CAPS2: variants seen among roughly 807,000 people sequenced by gnomAD.
CAPS2 encodes calcyphosine 2.
In CAPS2, 98 loss-of-function variants were observed where a neutral mutation model predicts 86.5. The ratio of observed to expected loss-of-function variants is 1.13; its 90% CI spans 0.96 to 1.34. The LOEUF is 1.34. Ranked by LOEUF, CAPS2 falls within the 40% of genes most tolerant of loss-of-function variation. The pLI, the probability that CAPS2 is intolerant of heterozygous loss-of-function variation, is 0.00. For missense variants in CAPS2, 729 were observed against 686.8 expected (o/e 1.06, Z -0.69); for synonymous variants, 210 against 225.1 (o/e 0.93, Z 0.60).
intron 1 of CAPS2, among the ~76,000 whole-genome samples, chr12:75,339,082 T>C (rs2041927592): frequency 6.6e-6 from 1 of 152,242 alleles, no homozygotes; most frequent in Non-Finnish European, 1.5e-5. Context: ...TGTATGCTTA[T>C]AATAGAATGA....
intron 1 of CAPS2, among the ~76,000 whole-genome samples, chr12:75,349,691 A>G (rs2042677951): frequency 6.6e-6 from 1 of 152,214 alleles, no homozygotes; most frequent in African/African-American, 2.4e-5. Flanking sequence ...GAAATATTAG[A>G]CATTCCAGAA....
At position 75,336,191 on chromosome 12, in the gene CAPS2, A is replaced by T. The variant is rs546842940; in HGVS notation, c.-394-12969T>A. Among the ~76,000 whole-genome samples the T allele has an allele frequency of 7.6e-4, 115 of 152,072 alleles. 1 individual carries two copies. The highest frequency in any genetic ancestry group is 2.6e-3 in the African/African-American group (108 of 41,574). On this transcript the variant is annotated intron_variant, in intron 1 of 5. Transcript: ENST00000551829. ...AAGAATGCATATTTTAATATCTAGG[A>T]TAACCATTAAAAATATACAAAGAAG... is the stretch of plus-strand genomic sequence containing the variant.
chr12:75,339,753 C>A (rs1290100502), intron 1 of CAPS2, among the ~76,000 whole-genome samples: 1 of 151,954 alleles, frequency 6.6e-6, no homozygotes, highest in African/African-American at 2.4e-5. Flanking sequence ...CCATCTTGAG[C>A]TAATTTTTGG....
At chr12:75,381,934 C>G (rs2045015768) in intron 1 of CAPS2, among the ~76,000 whole-genome samples, 1 of 152,092 alleles carries the variant, frequency 6.6e-6, no homozygotes, top group African/African-American at 2.4e-5. Flanking sequence ...TTGAATGGCT[C>G]CCTGTGCATC....
chr12:75,370,371 G>A (rs1481466279), intron 1 of CAPS2: 2 of 435,872 alleles, frequency 4.6e-6, no homozygotes, highest in African/African-American at 3.9e-5. Context: ...AAAGTCTTAA[G>A]ATTATTTTTT....
intron 7 of CAPS2, chr12:75,305,796 G>A: frequency 5.4e-6 from 4 of 734,820 alleles, no homozygotes; most frequent in Non-Finnish European, 1.0e-5. Flanking sequence ...GTCGTCGGCA[G>A]CTACAATTAG....
At chr12:75,285,226 T>C in intron 14 of CAPS2, 146 bp from the exon 15 acceptor site, 1 of 756,132 alleles carries the variant, frequency 1.3e-6, no homozygotes, top group Admixed American at 3.8e-5. Flanking sequence ...AAAAATCCAA[T>C]CAAAACCACT....
chr12:75,376,166 T>C (rs1472587684), intron 1 of CAPS2, among the ~76,000 whole-genome samples: 2 of 152,242 alleles, frequency 1.3e-5, no homozygotes, highest in Non-Finnish European at 2.9e-5. Context: ...GTTTGATCCA[T>C]GTTTCAGCTA....
intron 12 of CAPS2, 88 bp from the exon 13 acceptor site, chr12:75,291,908 C>A: frequency 2.1e-6 from 1 of 478,800 alleles, no homozygotes; most frequent in South Asian, 5.9e-5. Context: ...TTCCCTGCTC[C>A]AGACTCAAAG....
At chr12:75,322,889 T>C in intron 4 of CAPS2, 2 of 737,894 alleles carry the variant, frequency 2.7e-6, no homozygotes, top group Non-Finnish European at 4.5e-6. Context: ...ATACATAAAA[T>C]ATTTAAACTT....
chr12:75,386,242 C>T (rs35481216), intron 1 of CAPS2, among the ~76,000 whole-genome samples: 16 of 152,266 alleles, frequency 1.1e-4, no homozygotes, highest in African/African-American at 2.9e-4. Flanking sequence ...ACTAACACTA[C>T]GTGACATTAA....
chr12:75,306,074 C>T (rs1379170157), intron 7 of CAPS2: 15 of 1,466,788 alleles, frequency 1.0e-5, no homozygotes, highest in South Asian at 2.4e-5. Flanking sequence ...ACGTGCTGCG[C>T]GTCCTGGGGC....
intron 15 of CAPS2, among the ~76,000 whole-genome samples, chr12:75,284,239 C>A (rs74110646): frequency 0.011 from 1,678 of 152,126 alleles, 31 homozygotes; most frequent in African/African-American, 0.037. Flanking sequence ...ATGTCTCTTG[C>A]CCAGTAAAAG....
chr12:75,278,223 C>T (rs980353533), exon 17 of CAPS2: 2 of 982,266 alleles, frequency 2.0e-6, no homozygotes, highest in Middle Eastern at 5.2e-4. Context: ...CTACATTGTG[C>T]TCTATTTAAC....
At chr12:75,318,738 G>A (rs990511773) in intron 5 of CAPS2, among the ~76,000 whole-genome samples, 1 of 151,964 alleles carries the variant, frequency 6.6e-6, no homozygotes, top group African/African-American at 2.4e-5. Context: ...TACAAGCTGG[G>A]TTGACTGATT....
chr12:75,381,613 T>TA (rs1566040362), intron 1 of CAPS2, among the ~76,000 whole-genome samples: 10 of 119,570 alleles, frequency 8.4e-5, no homozygotes, highest in African/African-American at 2.5e-4. Context: ...TTTTCTTAAG[T>TA]GTTTTTTTTT....
chr12:75,349,597 A>G (rs1362087895), intron 1 of CAPS2, among the ~76,000 whole-genome samples: 1 of 152,248 alleles, frequency 6.6e-6, no homozygotes, highest in Non-Finnish European at 1.5e-5. Context: ...TGTACTCTAT[A>G]TTTTTAAATG....
intron 13 of CAPS2, among the ~76,000 whole-genome samples, chr12:75,291,480 CAT>C (rs556770226): frequency 0.02 from 372 of 18,582 alleles, 2 homozygotes; most frequent in East Asian, 0.052. Flanking sequence ...ACAATAAAAG[CAT>C]ATATATATAT....
At chr12:75,350,171 G>C (rs1339136151) in intron 1 of CAPS2, among the ~76,000 whole-genome samples, 1 of 152,222 alleles carries the variant, frequency 6.6e-6, no homozygotes, top group Non-Finnish European at 1.5e-5. Flanking sequence ...ATTCCTTCTT[G>C]CCAGGCAGGG....
Sources: allele counts gnomAD v4.1 joint callset (sites outside exome capture counted in the v4.1 genomes callset), GRCh38; gene constraint gnomAD v4.1.1; transcripts MANE v1.5; gene names NCBI Gene and HGNC (gene_info 2026-07-23, HGNC 2026-07-21).